The following BRWD1 variants were observed in gnomAD, a reference collection of about 807,000 sequenced individuals.
BRWD1 encodes the protein bromodomain and WD repeat domain containing 1.
Under a neutral mutation model 251.2 loss-of-function variants are expected in BRWD1, and 82 were observed. The ratio of observed to expected loss-of-function variants is 0.33; its 90% CI spans 0.27 to 0.39. The LOEUF is 0.39. BRWD1 is among the 10% of genes least tolerant of loss of function. The pLI is 1.00. For missense variants in BRWD1, 2,233 were observed against 2,711.6 expected, an observed-to-expected ratio of 0.82 and a Z score of 3.92; for synonymous variants, 918 against 902.8, an observed-to-expected ratio of 1.02 and a Z score of -0.30.
chr21:39,285,944 C>A (rs140342098), intron 8 of BRWD1, among the ~76,000 whole-genome samples: 1 of 147,936 alleles, frequency 6.8e-6, no homozygotes, highest in East Asian at 2.0e-4. Context: ...AAAATGAAAT[C>A]TCTTCCTGTA....
intron 21 of BRWD1, among the ~76,000 whole-genome samples, chr21:39,240,883 C>A (rs561122562): frequency 6.6e-6 from 1 of 150,930 alleles, no homozygotes; most frequent in African/African-American, 2.4e-5. Flanking sequence ...AGGGTTTTTA[C>A]CACAGGGTAA....
At chr21:39,314,112 G>C, upstream of BRWD1, 1 of 456,030 alleles carries the variant, frequency 2.2e-6, no homozygotes, top group Non-Finnish European at 4.4e-6. Context: ...TGGGGCCAGT[G>C]CGTCTTGCCC....
In BRWD1 at chr21:39,296,307, G is replaced by A; in HGVS notation, c.406C>T (p.Pro136Ser). 6.2e-7 allele frequency: 1 copy of A among 1,602,560 alleles called. No individual in the cohort carries two copies. The highest frequency in any genetic ancestry group is 1.3e-5 in the African/African-American group (1 of 74,704). The change falls in exon 6 of 41, where the codon CCT becomes TCT. Residue 136 changes from proline (P) to serine (S), a missense_variant. By Grantham distance (74) the Pro-to-Ser change is moderately conservative (BLOSUM62 -1). Around this residue, in one of 12 missense-constraint regions of BRWD1, gnomAD observed 185 missense variants for 260.6 expected, o/e 0.71. Coordinates refer to ENST00000342449, the MANE Select transcript of BRWD1 (RefSeq NM_033656.4). ...SAFAALHRGR[P>S]PEMPVNYGSP... ...CCATAATTCACTGGCATTTCAGGAG[G>A]TCTTCCTCTATGAAGAGCAGCAAAG...
At chr21:39,290,969 A>G (rs78957472) in intron 8 of BRWD1, among the ~76,000 whole-genome samples, 23 of 152,200 alleles carry the variant, frequency 1.5e-4, no homozygotes, top group Non-Finnish European at 2.8e-4. Flanking sequence ...CCATCCCTAT[A>G]AAGAATTTAA....
chr21:39,203,434 G>GTTTTTTTTTT (rs2032210759), intron 37 of BRWD1, among the ~76,000 whole-genome samples: 13 of 64,306 alleles, frequency 2.0e-4, no homozygotes, highest in South Asian at 4.6e-4. Context: ...GCAAGACCCT[G>GTTTTTTTTTT]GTTCTTTTTT....
At chr21:39,246,981 G>C (rs528720035) in intron 21 of BRWD1, among the ~76,000 whole-genome samples, 1 of 152,214 alleles carries the variant, frequency 6.6e-6, no homozygotes, top group South Asian at 2.1e-4. Flanking sequence ...GGGAGGCTGA[G>C]GCAGAAGAAT....
chr21:39,190,766 C>T lies in BRWD1; in HGVS notation c.*5493G>A, dbSNP rs1035127939. ...AACTTGCTGTGTTTTTAAACAGTTCCGTTTTCTAGGGGGAGCTGGTAACAC... is the reference window on the plus strand; with the variant it reads ...AACTTGCTGTGTTTTTAAACAGTTCTGTTTTCTAGGGGGAGCTGGTAACAC... On this transcript the variant is annotated 3_prime_UTR_variant, in exon 41 of 41. Coordinates refer to ENST00000342449, the MANE Select transcript of BRWD1 (RefSeq NM_033656.4). 5 of 985,252 alleles carry T rather than the reference C, an allele frequency of 5.1e-6. No individual in the cohort carries two copies. Among genetic ancestry groups the T allele is most frequent in the Non-Finnish European group, 6.0e-6 (5 of 829,876 alleles). 61.0% of individuals were successfully genotyped at this position (985,252 alleles called of 1,614,324 possible).
chr21:39,274,332 C>A, intron 13 of BRWD1, 42 bp downstream of exon 13: 1 of 1,433,006 alleles, frequency 7.0e-7, no homozygotes, highest in Non-Finnish European at 9.8e-7. Context: ...AGAGACAGAT[C>A]GAACACCTAT....
chr21:39,277,192 G>T (rs906335385), intron 11 of BRWD1, 59 bp downstream of exon 11: 15 of 1,240,360 alleles, frequency 1.2e-5, no homozygotes, highest in Non-Finnish European at 1.6e-5. Flanking sequence ...ATGCCCCTTA[G>T]CAATAACAGG....
At chr21:39,320,773 C>T (rs1291330340) in intron 1 of BRWD1, among the ~76,000 whole-genome samples, 9 of 149,042 alleles carry the variant, frequency 6.0e-5, no homozygotes, top group Non-Finnish European at 5.9e-5. Flanking sequence ...CAGGTTCAAG[C>T]AATTCTGCCT....
intron 38 of BRWD1, 48 bp downstream of exon 38, chr21:39,202,277 C>G (rs1317519719): frequency 1.4e-6 from 2 of 1,426,052 alleles, no homozygotes; most frequent in Admixed American, 1.8e-5. Context: ...GCCAGTGTTA[C>G]ACATTTGGGT....
upstream of BRWD1, among the ~76,000 whole-genome samples, chr21:39,315,529 G>C (rs1347269612): frequency 6.6e-6 from 1 of 152,020 alleles, no homozygotes; most frequent in Non-Finnish European, 1.5e-5. Context: ...AGCTACTTGA[G>C]AGGCTGAGGC....
chr21:39,300,244 G>A (rs189503958), intron 4 of BRWD1, among the ~76,000 whole-genome samples: 1 of 152,298 alleles, frequency 6.6e-6, no homozygotes, highest in East Asian at 1.9e-4. Context: ...AGCCCTGGAA[G>A]AAATGCACTG....
chr21:39,278,701 TAAA>T, intron 10 of BRWD1, 39 bp downstream of exon 10: 1 of 1,094,016 alleles, frequency 9.1e-7, no homozygotes, highest in East Asian at 2.9e-5. Flanking sequence ...AATAGATGTT[TAAA>T]AAAAAAAAAC....
chr21:39,268,835 A>T (rs1279795663), intron 15 of BRWD1, among the ~76,000 whole-genome samples: 4 of 152,178 alleles, frequency 2.6e-5, no homozygotes, highest in Middle Eastern at 3.4e-3. Context: ...AAAATACAAA[A>T]AAATTAGCCA....
At chr21:39,256,589 C>T (rs2034569356) in intron 18 of BRWD1, among the ~76,000 whole-genome samples, 1 of 152,060 alleles carries the variant, frequency 6.6e-6, no homozygotes, top group South Asian at 2.1e-4. Flanking sequence ...CGCAACCTCC[C>T]ATGAGCTGGA....
rs547591666 is a variant in BRWD1, at chr21:39,232,648, G to T, written c.2767-150C>A. On this transcript the variant is annotated intron_variant, in intron 23 of 40. Coordinates refer to ENST00000342449, the MANE Select transcript of BRWD1 (RefSeq NM_033656.4). ...AGTTTTCACACAGCATATATATTTA[G>T]TTCCTTTACACAGGAATATATCACT... 1.9e-5 allele frequency: 16 copies of T among 824,052 alleles called. No homozygotes were observed. In the Admixed American group the frequency reaches 3.0e-4, roughly 15 times the overall value. The allele number at this position is 824,052 out of a possible 1,614,324, so 51.0% of individuals were successfully genotyped here. A position where few individuals can be genotyped will look rare whatever the true frequency, so the allele number is the denominator to read the frequency against.
intron 36 of BRWD1, chr21:39,209,756 T>C (rs1477348672): frequency 2.9e-6 from 1 of 342,344 alleles, no homozygotes; most frequent in Non-Finnish European, 5.3e-6. Flanking sequence ...TAATCCCCAC[T>C]TGCTTATAAA....
rs1427654224 is a variant in BRWD1, at chr21:39,195,821, T to A, written c.*438A>T. 2 of 987,630 alleles carry A rather than the reference T, an allele frequency of 2.0e-6. No individual in the cohort carries two copies. The highest frequency in any genetic ancestry group is 2.4e-6 in the Non-Finnish European group (2 of 831,532). 61.2% of individuals were successfully genotyped at this position (987,630 alleles called of 1,614,324 possible). A position where few individuals can be genotyped will look rare whatever the true frequency, so the allele number is the denominator to read the frequency against. ...TGATTATAGTGTCAGTATGCATGTATTTATGAAGAATCTGTAAACATAGGT... is the reference window on the plus strand; with the variant it reads ...TGATTATAGTGTCAGTATGCATGTAATTATGAAGAATCTGTAAACATAGGT... On this transcript the variant is annotated 3_prime_UTR_variant, in exon 41 of 41. Coordinates refer to ENST00000342449, the MANE Select transcript of BRWD1 (RefSeq NM_033656.4).
Sources: allele counts gnomAD v4.1 joint callset (sites outside exome capture counted in the v4.1 genomes callset), GRCh38; gene constraint gnomAD v4.1.1; regional missense constraint gnomAD v4.1.1; transcripts MANE v1.5; gene names NCBI Gene and HGNC (gene_info 2026-07-23, HGNC 2026-07-21).